Variants in ZNF517 observed in about 807,000 individuals in gnomAD.
The protein encoded by ZNF517 is zinc finger protein 517.
A neutral mutation model predicts 12.1 loss-of-function variants in ZNF517; 12 were observed. The ratio of observed to expected loss-of-function variants is 0.99; its 90% CI spans 0.63 to 1.61. ZNF517 has a LOEUF of 1.61. ZNF517 is among the 40% of genes most tolerant of loss of function. The pLI is 0.00. For synonymous variants in ZNF517, 388 were observed against 310.2 expected (o/e 1.25, Z -2.63); for missense variants, 781 against 693.2 (o/e 1.13, Z -1.42).
At chr8:144,803,243 G>C in intron 2 of ZNF517, 1 of 505,106 alleles carries the variant, frequency 2.0e-6, no homozygotes, top group Admixed American at 3.4e-5. Flanking sequence ...CTCCTTCCTG[G>C]TGTGAATGGT....
At chr8:144,805,196 G>C (rs555123432) in intron 4 of ZNF517, among the ~76,000 whole-genome samples, 5 of 152,350 alleles carry the variant, frequency 3.3e-5, no homozygotes, top group Admixed American at 3.3e-4. Context: ...CTAGACCAAG[G>C]AGCCCTCTAG....
downstream of ZNF517, chr8:144,811,293 A>G (rs995047039): frequency 1.3e-5 from 2 of 152,450 alleles, no homozygotes; most frequent in African/African-American, 2.4e-5. Flanking sequence ...CATGTTCACA[A>G]GTTTCTGTCT....
chr8:144,801,742 T>C (rs959037398), intron 1 of ZNF517, among the ~76,000 whole-genome samples: 10 of 152,164 alleles, frequency 6.6e-5, no homozygotes, highest in East Asian at 1.9e-4. Context: ...ATTAGAAAAA[T>C]AGAAAGAGGC....
downstream of ZNF517, chr8:144,810,138 G>C (rs1167062258): frequency 1.4e-6 from 1 of 695,120 alleles, no homozygotes; most frequent in Admixed American, 2.0e-5. Flanking sequence ...CAGAAGCCAG[G>C]AAGGAAGCCC....
intron 1 of ZNF517, among the ~76,000 whole-genome samples, chr8:144,801,564 G>A (rs9801844): frequency 0.084 from 12,814 of 152,038 alleles, 869 homozygotes; most frequent in East Asian, 0.32. Flanking sequence ...TGCAAGCTCC[G>A]CCTCCCAGGT....
rs528681751 is a variant in ZNF517, at chr8:144,807,188, C to T, written c.275-3C>T. 2.6e-5 allele frequency: 40 copies of T among 1,517,550 alleles called. No homozygotes were observed. Among genetic ancestry groups the T allele is most frequent in the Non-Finnish European group, 3.4e-5 (38 of 1,134,258 alleles). 94.0% of individuals were successfully genotyped at this position (1,517,550 alleles called of 1,614,324 possible). A position where few individuals can be genotyped will look rare whatever the true frequency, so the allele number is the denominator to read the frequency against. Reference sequence around the variant, plus strand: ...TCCTTCCGTTTTCTGTTCCTTCTCTCAGATTCCAGGATGGAGGCTGGGATC... The same window carrying T: ...TCCTTCCGTTTTCTGTTCCTTCTCTTAGATTCCAGGATGGAGGCTGGGATC... On this transcript the variant is annotated splice_polypyrimidine_tract_variant and splice_region_variant and intron_variant, in intron 4 of 4. Transcript: ENST00000359971.
At chr8:144,803,023 C>T in intron 2 of ZNF517, 76 bp downstream of exon 2, 1 of 1,587,514 alleles carries the variant, frequency 6.3e-7, no homozygotes, top group Non-Finnish European at 8.6e-7. Flanking sequence ...GCCCTGAGAA[C>T]CTTACAGCTT....
At chr8:144,800,368 C>A in intron 1 of ZNF517, 1 of 553,254 alleles carries the variant, frequency 1.8e-6, no homozygotes, top group Non-Finnish European at 2.3e-6. Flanking sequence ...TCCCCTCTAA[C>A]CAGGTAGCCC....
At chr8:144,810,278 A>G (rs534538360), downstream of ZNF517, 5 of 601,660 alleles carry the variant, frequency 8.3e-6, no homozygotes, top group African/African-American at 7.3e-5. Flanking sequence ...GTGAGGGGGG[A>G]TTGAGTTACC....
At position 144,808,216 on chromosome 8, in the gene ZNF517, C is replaced by T. The variant is rs1412387421; in HGVS notation, c.1300C>T (p.Arg434Cys). The change falls in exon 5 of 5, where the codon CGC becomes TGC. Residue 434 changes from arginine (R) to cysteine (C), a missense_variant. Coordinates refer to ENST00000359971, the MANE Select transcript of ZNF517 (RefSeq NM_213605.3). ...GTGCACCGAGTGCGGCAAGGCGTTC[C>T]GCAGGAGCTACACGCTGAACGAGCA... ...FACTECGKAFRRSYTLNEHYR... is the reference protein window; with the variant it reads ...FACTECGKAFCRSYTLNEHYR... The T allele has an allele frequency of 3.7e-6, 6 of 1,606,382 alleles. No individual in the cohort carries two copies. In the African/African-American group the frequency reaches 6.7e-5, roughly 18 times the overall value.
At position 144,803,697 on chromosome 8, in the gene ZNF517, C is replaced by G. The variant is rs1179523716; in HGVS notation, c.90C>G (p.Cys30Trp). The G allele has an allele frequency of 5.0e-6, 8 of 1,614,164 alleles. No individual in the cohort carries two copies. The highest frequency in any genetic ancestry group is 6.8e-6 in the Non-Finnish European group (8 of 1,180,014). Residue 30 changes from cysteine (C) to tryptophan (W), a missense_variant, in exon 3 of 5, where the codon TGC (cysteine) becomes TGG (tryptophan). Cys to Trp is a radical substitution (Grantham distance 215). Coordinates refer to ENST00000359971, the MANE Select transcript of ZNF517 (RefSeq NM_213605.3). ...AVYFTRIEWS[C>W]LAPDQQALYR... ...ACTTCACAAGGATAGAGTGGAGTTG[C>G]CTGGCCCCCGACCAGCAGGCACTCT...
Position 144,808,077 on chromosome 8 carries a change from G to A in ZNF517, c.1161G>A (p.Leu387=), listed in dbSNP as rs751543033. ...FRHNSLLLLH[L]RLHTGEKPFE... is the part of the protein sequence containing the mutation. ...ACAACTCCCTGCTGCTGCTGCACCT[G>A]CGCCTACACACGGGCGAGAAGCCGT... The change falls in exon 5 of 5, where the codon CTG becomes CTA. Residue 387 remains leucine (L), a synonymous_variant. Coordinates refer to ENST00000359971, the MANE Select transcript of ZNF517 (RefSeq NM_213605.3). 1.2e-6 allele frequency: 2 copies of A among 1,610,382 alleles called. No individual in the cohort carries two copies. Among genetic ancestry groups the A allele is most frequent in the Non-Finnish European group, 1.7e-6 (2 of 1,178,802 alleles).
intron 4 of ZNF517, 149 bp downstream of exon 4, chr8:144,804,387 G>A: frequency 1.7e-6 from 1 of 605,404 alleles, no homozygotes. Flanking sequence ...TGCCTTGCTT[G>A]TAGGTCTAAG....
Position 144,808,247 on chromosome 8 carries a change from G to A in ZNF517, c.1331G>A (p.Arg444Gln), listed in dbSNP as rs528684607. Residue 444 changes from arginine to glutamine, a missense_variant, in exon 5 of 5, where the codon CGG becomes CAG. By Grantham distance (43) the Arg-to-Gln change is conservative. Coordinates refer to ENST00000359971, the MANE Select transcript of ZNF517 (RefSeq NM_213605.3). ...AGCTACACGCTGAACGAGCACTACC[G>A]GCTCCACAGCGGCGAGAGGCCATAC... The part of the protein sequence containing the change: ...RRSYTLNEHY[R>Q]LHSGERPYRC... 7 of 1,598,754 alleles carry A rather than the reference G, an allele frequency of 4.4e-6. No individual in the cohort carries two copies. Among genetic ancestry groups the A allele is most frequent in the African/African-American group, 2.7e-5 (2 of 74,670 alleles).
Position 144,808,219 on chromosome 8 carries a change from A to G in ZNF517, c.1303A>G (p.Arg435Gly). 1 of 1,606,790 alleles carries G rather than the reference A, an allele frequency of 6.2e-7. No homozygotes were observed. The highest frequency in any genetic ancestry group is 1.1e-5 in the South Asian group (1 of 90,280). The change falls in exon 5 of 5, where the codon AGG (arginine) becomes GGG (glycine). Residue 435 changes from arginine to glycine, a missense_variant. Arg to Gly is a moderately radical substitution (Grantham distance 125). Coordinates refer to ENST00000359971, the MANE Select transcript of ZNF517 (RefSeq NM_213605.3). The stretch of plus-strand genomic sequence containing the variant: ...CACCGAGTGCGGCAAGGCGTTCCGC[A>G]GGAGCTACACGCTGAACGAGCACTA... ...ACTECGKAFR[R>G]SYTLNEHYRL... is the part of the protein sequence containing the mutation.
At chr8:144,800,639 G>C (rs1037954612) in intron 1 of ZNF517, 2 of 985,310 alleles carry the variant, frequency 2.0e-6, no homozygotes, top group African/African-American at 3.5e-5. Flanking sequence ...TGGACAGACA[G>C]TGAGTGGGGG....
chr8:144,808,284 C>T lies in ZNF517; in HGVS notation c.1368C>T (p.Ala456=), dbSNP rs1309134528. The T allele has an allele frequency of 5.8e-6, 9 of 1,560,130 alleles. No individual in the cohort carries two copies. Among genetic ancestry groups the T allele is most frequent in the Non-Finnish European group, 7.8e-6 (9 of 1,151,148 alleles). Residue 456 remains alanine (A), a synonymous_variant, in exon 5 of 5, where the codon GCC becomes GCT. Transcript: ENST00000359971. ...GCGAGAGGCCATACCGGTGCCGCGC[C>T]TGCGGGAGGGCCTGCAGCCGGCTGT... The part of the protein sequence containing the change: ...HSGERPYRCR[A]CGRACSRLST...
downstream of ZNF517, among the ~76,000 whole-genome samples, chr8:144,812,265 A>C (rs1395671795): frequency 3.0e-5 from 4 of 132,886 alleles, no homozygotes; most frequent in African/African-American, 6.0e-5. Flanking sequence ...CAGACTGCAG[A>C]ATGGAAGCAA....
Position 144,808,197 on chromosome 8 carries a change from C to G in ZNF517, c.1281C>G (p.Thr427=). ...IHTKEKPFAC[T]ECGKAFRRSY... ...CCAAGGAGAAGCCCTTCGCGTGCAC[C>G]GAGTGCGGCAAGGCGTTCCGCAGGA... The change falls in exon 5 of 5, where the codon ACC becomes ACG. Residue 427 remains threonine (T), a synonymous_variant. Coordinates refer to ENST00000359971, the MANE Select transcript of ZNF517 (RefSeq NM_213605.3). 1 of 1,603,016 alleles carries G rather than the reference C, an allele frequency of 6.2e-7. No individual in the cohort carries two copies. Among genetic ancestry groups the G allele is most frequent in the Non-Finnish European group, 8.5e-7 (1 of 1,174,994 alleles).
Sources: allele counts gnomAD v4.1 joint callset (sites outside exome capture counted in the v4.1 genomes callset), GRCh38; gene constraint gnomAD v4.1.1; transcripts MANE v1.5; gene names NCBI Gene and HGNC (gene_info 2026-07-23, HGNC 2026-07-21).